PRDM6: variants seen among roughly 807,000 people sequenced by gnomAD.
PRDM6 encodes PR/SET domain 6.
Under a neutral mutation model 60.8 loss-of-function variants are expected in PRDM6, and 25 were observed. That is an observed-to-expected ratio of 0.41 (90% CI 0.30 to 0.57). The LOEUF is 0.57. Among genes scored for constraint, PRDM6 ranks in the 20% least tolerant of loss-of-function variants. PRDM6 has a pLI of 0.27. For missense variants in PRDM6, 839 were observed against 821.3 expected (o/e 1.02, Z -0.26); for synonymous variants, 407 against 357.4 (o/e 1.14, Z -1.57).
chr5:123,165,020 A>G lies in PRDM6; in HGVS notation c.1153+5382A>G, dbSNP rs201846358. Among the ~76,000 whole-genome samples, 3 of 152,186 alleles carry G rather than the reference A, an allele frequency of 2.0e-5. No homozygotes were observed. The East Asian group carries it at 5.8e-4, about 29-fold the overall frequency. On this transcript the variant is annotated intron_variant, in intron 5 of 7. Transcript: ENST00000407847. ...AGCTGTTAAACTCCTCCCTCAGCTC[A>G]GTGCTGCTTGCCTCACTTCCCAACA...
At chr5:123,089,649 C>G in intron 1 of PRDM6, 130 bp downstream of exon 1, 1 of 239,222 alleles carries the variant, frequency 4.2e-6, no homozygotes, top group Non-Finnish European at 8.0e-6. Flanking sequence ...GGCTCGGGCG[C>G]TGCGCCACGC....
chr5:123,101,376 C>T (rs1185580090), intron 3 of PRDM6, among the ~76,000 whole-genome samples: 1 of 152,210 alleles, frequency 6.6e-6, no homozygotes, highest in African/African-American at 2.4e-5. Context: ...AACTACCTAC[C>T]CTATAGTTAT....
chr5:123,145,738 ATG>A (rs1765224143), intron 3 of PRDM6, among the ~76,000 whole-genome samples: 2 of 55,092 alleles, frequency 3.6e-5, no homozygotes, highest in African/African-American at 1.3e-4. Context: ...ATCTAAAAAT[ATG>A]TTTTCTGTCC....
chr5:123,090,628 GCTCT>G (rs1561793103), intron 2 of PRDM6, 22 bp downstream of exon 2: 1 of 1,459,216 alleles, frequency 6.9e-7, no homozygotes, highest in Non-Finnish European at 9.0e-7. Context: ...CAGCCCGCGC[GCTCT>G]CTCCCGGGGC....
chr5:123,165,136 A>T (rs1008830813), intron 5 of PRDM6, among the ~76,000 whole-genome samples: 1 of 152,082 alleles, frequency 6.6e-6, no homozygotes, highest in Non-Finnish European at 1.5e-5. Context: ...GTACTCCCAG[A>T]TTTCCATTTT....
In PRDM6 at chr5:123,090,094, TC is replaced by T. The variant is rs1408422591; in HGVS notation, c.83del (p.Pro28LeufsTer17). ...PAYLQHWQQL[F>X]PHGGAGPLKG... ...TACCTGCAGCACTGGCAGCAACTCT[TC>T]CCTCACGGAGGCGCAGGCCCGCTCA... On this transcript the variant is annotated frameshift_variant, in exon 2 of 8. Coordinates refer to ENST00000407847, the MANE Select transcript of PRDM6 (RefSeq NM_001136239.4). LOFTEE classifies it high-confidence loss of function. 1 of 1,546,178 alleles carries T rather than the reference TC, an allele frequency of 6.5e-7. No individual in the cohort carries two copies. The highest frequency in any genetic ancestry group is 1.2e-5 in the South Asian group (1 of 83,948).
In PRDM6 at chr5:123,095,756, A is replaced by T. The variant is rs186031765; in HGVS notation, c.593-3898A>T. Among the ~76,000 whole-genome samples the T allele has an allele frequency of 4.1e-3, 627 of 152,316 alleles. 3 individuals carry two copies. Among genetic ancestry groups the T allele is most frequent in the African/African-American group, 0.014 (570 of 41,576 alleles). ...GAGCCAACGAAGGCGTCGGGCAGGTACTGGGGAGTGAAGATGTGATGTAGC... is the reference window on the plus strand; with the variant it reads ...GAGCCAACGAAGGCGTCGGGCAGGTTCTGGGGAGTGAAGATGTGATGTAGC... On this transcript the variant is annotated intron_variant, in intron 2 of 7. Transcript: ENST00000407847.
intron 7 of PRDM6, among the ~76,000 whole-genome samples, chr5:123,183,883 C>G (rs376131316): frequency 1.3e-5 from 2 of 152,078 alleles, no homozygotes; most frequent in African/African-American, 4.8e-5. Flanking sequence ...GTGAGCTGCC[C>G]GAAGCCTGGC....
At chr5:123,181,265 C>T (rs1766153359) in intron 7 of PRDM6, among the ~76,000 whole-genome samples, 1 of 152,118 alleles carries the variant, frequency 6.6e-6, no homozygotes, top group African/African-American at 2.4e-5. Context: ...AGGGGAAGCC[C>T]AATTAGTAAA....
intron 6 of PRDM6, among the ~76,000 whole-genome samples, chr5:123,178,581 T>C (rs2126889072): frequency 6.6e-6 from 1 of 152,368 alleles, no homozygotes; most frequent in East Asian, 1.9e-4. Flanking sequence ...ACTTTTTATA[T>C]ATTTCTTTGA....
At chr5:123,100,488 TGA>T (rs1206249870) in intron 3 of PRDM6, among the ~76,000 whole-genome samples, 4 of 152,052 alleles carry the variant, frequency 2.6e-5, no homozygotes, top group African/African-American at 9.7e-5. Flanking sequence ...AAGTTGAACG[TGA>T]GAGATCACAT....
intron 7 of PRDM6, among the ~76,000 whole-genome samples, chr5:123,180,628 C>A (rs772382209): frequency 2.0e-5 from 3 of 152,156 alleles, no homozygotes; most frequent in African/African-American, 4.8e-5. Flanking sequence ...TTTTCAGTCC[C>A]TGATGATCTG....
chr5:123,126,121 T>A (rs1219058600), intron 3 of PRDM6, among the ~76,000 whole-genome samples: 1 of 152,186 alleles, frequency 6.6e-6, no homozygotes, highest in Non-Finnish European at 1.5e-5. Flanking sequence ...AGGGACCACG[T>A]TGGCATAACA....
intron 3 of PRDM6, among the ~76,000 whole-genome samples, chr5:123,124,163 C>T (rs2150219466): frequency 6.6e-6 from 1 of 152,198 alleles, no homozygotes; most frequent in Middle Eastern, 3.4e-3. Flanking sequence ...CTGCCGTTGT[C>T]CTGCAGCACA....
intron 3 of PRDM6, among the ~76,000 whole-genome samples, chr5:123,151,611 A>T (rs533213985): frequency 6.6e-6 from 1 of 152,266 alleles, no homozygotes; most frequent in African/African-American, 2.4e-5. Context: ...ATGGGGTTGG[A>T]ACAGATGGTC....
At chr5:123,144,300 A>G (rs1451050480) in intron 3 of PRDM6, among the ~76,000 whole-genome samples, 1 of 152,216 alleles carries the variant, frequency 6.6e-6, no homozygotes, top group Non-Finnish European at 1.5e-5. Flanking sequence ...GCTCTCCCCC[A>G]TAGTGGATGA....
intron 6 of PRDM6, among the ~76,000 whole-genome samples, chr5:123,174,442 AAAGGC>A (rs1765960672): frequency 6.6e-6 from 1 of 152,228 alleles, no homozygotes; most frequent in African/African-American, 2.4e-5. Context: ...CAGGTACAAG[AAAGGC>A]AAGAAAGGGG....
intron 3 of PRDM6, among the ~76,000 whole-genome samples, chr5:123,145,892 G>T (rs749591367): frequency 6.6e-6 from 1 of 152,108 alleles, no homozygotes; most frequent in Non-Finnish European, 1.5e-5. Flanking sequence ...TAAAGCTGTT[G>T]CCTGCTCTGA....
intron 3 of PRDM6, among the ~76,000 whole-genome samples, chr5:123,106,217 A>G (rs148642746): frequency 6.6e-6 from 1 of 152,360 alleles, no homozygotes; most frequent in Non-Finnish European, 1.5e-5. Context: ...TTAACTGAGA[A>G]GAGCAATCTA....
Sources: allele counts gnomAD v4.1 joint callset (sites outside exome capture counted in the v4.1 genomes callset), GRCh38; gene constraint gnomAD v4.1.1; transcripts MANE v1.5; gene names NCBI Gene and HGNC (gene_info 2026-07-23, HGNC 2026-07-21).